TRPM3: variants seen among roughly 807,000 people sequenced by gnomAD.
TRPM3 encodes transient receptor potential cation channel subfamily M member 3, also known as long transient receptor potential channel 3.
TRPM3 carries 77 observed loss-of-function variants against 181.2 expected under a neutral mutation model. The observed-to-expected ratio is 0.42, with a 90% CI of 0.35 to 0.51. TRPM3 has a LOEUF of 0.51. Ranked by LOEUF, TRPM3 falls within the 20% of genes least tolerant of loss-of-function variation. The pLI is 0.01. For missense variants in TRPM3, 1,759 were observed against 2,196.7 expected (o/e 0.80, Z 3.98); for synonymous variants, 745 against 796.4 (o/e 0.94, Z 1.09).
chr9:70,933,720 G>A (rs755788221), intron 1 of TRPM3, among the ~76,000 whole-genome samples: 2 of 151,840 alleles, frequency 1.3e-5, no homozygotes, highest in Admixed American at 6.6e-5. Context: ...TTTTTAATGC[G>A]TTTGTTTAAA....
chr9:71,344,977 C>G (rs1426063409), intron 1 of TRPM3, among the ~76,000 whole-genome samples: 2 of 152,078 alleles, frequency 1.3e-5, no homozygotes, highest in African/African-American at 4.8e-5. Flanking sequence ...ATGTGGCCAA[C>G]AAACATGAAA....
In TRPM3 at chr9:71,141,805, T is replaced by C. The variant is rs11142698; in HGVS notation, c.184-277294A>G. On this transcript the variant is annotated intron_variant, in intron 1 of 24. Transcript: ENST00000357533. ...GTCTGTCGTTCTGCTGGTTGTTGTC[T>C]TGCAAAATCTCAATTACTTTGGCAA... Among the ~76,000 whole-genome samples the C allele has an allele frequency of 6.0e-3, 907 of 152,310 alleles. 30 individuals carry two copies. The East Asian group carries it at 0.11, about 18-fold the overall frequency.
intron 6 of TRPM3, among the ~76,000 whole-genome samples, chr9:70,784,829 G>C (rs762389814): frequency 6.6e-6 from 1 of 152,030 alleles, no homozygotes. Context: ...CTGAATTCTG[G>C]GTCTGTCTTT....
intron 1 of TRPM3, among the ~76,000 whole-genome samples, chr9:71,039,613 G>A (rs541822652): frequency 1.8e-4 from 28 of 152,256 alleles, no homozygotes; most frequent in African/African-American, 5.5e-4. Flanking sequence ...GGTCAACTCA[G>A]TCTCAAGATT....
At chr9:71,124,427 T>C (rs751945512), upstream of TRPM3, among the ~76,000 whole-genome samples, 13 of 152,132 alleles carry the variant, frequency 8.5e-5, no homozygotes, top group Admixed American at 2.0e-4. Context: ...GAACAAATTC[T>C]AGCAGGCTTA....
intron 1 of TRPM3, among the ~76,000 whole-genome samples, chr9:71,055,121 G>T (rs1183565956): frequency 6.6e-6 from 1 of 152,034 alleles, no homozygotes; most frequent in African/African-American, 2.4e-5. Flanking sequence ...GTTGTATTTC[G>T]ACCATTTGGG....
chr9:70,893,600 A>G (rs534484191), intron 1 of TRPM3, among the ~76,000 whole-genome samples: 1 of 152,120 alleles, frequency 6.6e-6, no homozygotes, highest in South Asian at 2.1e-4. Flanking sequence ...TTGAAAGTGT[A>G]CCTCCTAGAT....
chr9:70,761,869 C>T, intron 7 of TRPM3, 145 bp from the exon 8 acceptor site: 1 of 946,898 alleles, frequency 1.1e-6, no homozygotes, highest in South Asian at 2.4e-5. Flanking sequence ...AGGTATCCCG[C>T]CTGTGATAAT....
intron 1 of TRPM3, among the ~76,000 whole-genome samples, chr9:70,868,314 A>T (rs2095699743): frequency 6.6e-6 from 1 of 152,084 alleles, no homozygotes; most frequent in African/African-American, 2.4e-5. Flanking sequence ...TATTCAAGAC[A>T]GAAATGAGGA....
chr9:71,202,462 C>T (rs1445311843), intron 1 of TRPM3, among the ~76,000 whole-genome samples: 3 of 152,174 alleles, frequency 2.0e-5, no homozygotes, highest in Non-Finnish European at 4.4e-5. Context: ...GCCTTGGTCA[C>T]TAATGTTTAA....
At chr9:71,269,460 A>G (rs2132118869) in intron 1 of TRPM3, among the ~76,000 whole-genome samples, 1 of 152,346 alleles carries the variant, frequency 6.6e-6, no homozygotes, top group African/African-American at 2.4e-5. Context: ...ACCTGCACCG[A>G]GCAACAGAGC....
chr9:70,907,934 G>T (rs3010446), intron 1 of TRPM3, among the ~76,000 whole-genome samples: 63,549 of 152,058 alleles, frequency 0.42, 13,794 homozygotes, highest in Non-Finnish European at 0.47. Context: ...ATGTACCACA[G>T]ATTCTTTATC....
At chr9:71,005,655 C>A (rs1434048263) in intron 1 of TRPM3, among the ~76,000 whole-genome samples, 3 of 151,904 alleles carry the variant, frequency 2.0e-5, no homozygotes, top group African/African-American at 7.3e-5. Context: ...AAACTGTCAA[C>A]CAAAAATACT....
intron 1 of TRPM3, among the ~76,000 whole-genome samples, chr9:71,060,262 A>G (rs564464075): frequency 6.6e-6 from 1 of 152,180 alleles, no homozygotes; most frequent in East Asian, 1.9e-4. Context: ...GGACTCCTTG[A>G]CTGGGTGAGA....
intron 9 of TRPM3, among the ~76,000 whole-genome samples, chr9:70,668,919 A>T (rs1256558275): frequency 6.6e-6 from 1 of 152,236 alleles, no homozygotes. Flanking sequence ...AAGCCAAGAA[A>T]GAAAAGTATG....
chr9:71,172,229 T>A (rs538876980), intron 1 of TRPM3, among the ~76,000 whole-genome samples: 1 of 151,928 alleles, frequency 6.6e-6, no homozygotes, highest in African/African-American at 2.4e-5. Context: ...TTGGAGGAAG[T>A]GGCTCCTGAA....
At chr9:70,887,584 A>C (rs2096112336) in intron 1 of TRPM3, among the ~76,000 whole-genome samples, 1 of 152,162 alleles carries the variant, frequency 6.6e-6, no homozygotes, top group Admixed American at 6.5e-5. Context: ...CTGGTATGAT[A>C]AGAAGAGGCT....
chr9:71,175,055 T>G (rs1219923521), intron 1 of TRPM3, among the ~76,000 whole-genome samples: 1 of 151,952 alleles, frequency 6.6e-6, no homozygotes, highest in African/African-American at 2.4e-5. Flanking sequence ...AAAAACAAGC[T>G]GGGAGGAAGG....
At chr9:70,619,202 G>A in intron 16 of TRPM3, 107 bp from the exon 17 acceptor site, 1 of 869,160 alleles carries the variant, frequency 1.2e-6, no homozygotes, top group South Asian at 1.5e-5. Context: ...GATGATGTAG[G>A]TGTTTCATAT....
Sources: gnomAD v4.1 joint callset for allele counts (sites outside exome capture counted in the v4.1 genomes callset) on GRCh38, gnomAD v4.1.1 for gene constraint, MANE v1.5 for transcripts, NCBI Gene and HGNC (gene_info 2026-07-23, HGNC 2026-07-21) for gene names.